The following MYO5A variants were observed in gnomAD, a reference collection of about 807,000 sequenced individuals.
MYO5A encodes the protein unconventional myosin-Va.
A neutral mutation model predicts 249.7 loss-of-function variants in MYO5A; 98 were observed. That is an observed-to-expected ratio of 0.39 (90% confidence interval 0.33 to 0.46). The LOEUF is 0.46. Ranked by LOEUF, MYO5A falls within the 20% of genes least tolerant of loss-of-function variation. MYO5A has a pLI of 0.98. For synonymous variants in MYO5A, 778 were observed against 810.6 expected (o/e 0.96, Z 0.68); for missense variants, 1,696 against 2,308.8 (o/e 0.73, Z 5.44).
intron 36 of MYO5A, among the ~76,000 whole-genome samples, chr15:52,324,903 G>A (rs527281661): frequency 6.6e-6 from 1 of 152,252 alleles, no homozygotes; most frequent in Admixed American, 6.5e-5. Context: ...TTCAGGTCCT[G>A]ACTTTACCAC....
At chr15:52,431,852 G>A (rs1323155499) in intron 2 of MYO5A, among the ~76,000 whole-genome samples, 2 of 152,008 alleles carry the variant, frequency 1.3e-5, no homozygotes, top group African/African-American at 2.4e-5. Flanking sequence ...GCCAGGCATG[G>A]TGGCTCATGC....
At chr15:52,317,532 T>G (rs1206409231) in intron 39 of MYO5A, among the ~76,000 whole-genome samples, 1 of 152,224 alleles carries the variant, frequency 6.6e-6, no homozygotes, top group Admixed American at 6.5e-5. Context: ...TAGCTCTGTC[T>G]TTATTGGGGA....
intron 1 of MYO5A, among the ~76,000 whole-genome samples, chr15:52,474,717 C>T (rs200876992): frequency 6.6e-6 from 1 of 152,188 alleles, no homozygotes; most frequent in Admixed American, 6.5e-5. Context: ...GTTGAACCAG[C>T]CTTGCATCCC....
rs2040432086 is a variant in MYO5A at position 52,359,885 on chromosome 15, G to T, written c.3423+83C>A. On this transcript the variant is annotated intron_variant, in intron 25 of 41. Transcript: ENST00000399233. ...CAAATACTATGTTTATGGCCAATTG[G>T]AGTCTGCTTTGCAATGGAAATGTTC... The T allele has an allele frequency of 2.3e-5, 21 of 919,700 alleles. No homozygotes were observed. The East Asian group carries it at 5.4e-4, about 24-fold the overall frequency. 57.0% of individuals were successfully genotyped at this position (919,700 alleles called of 1,614,324 possible). A position where few individuals can be genotyped will look rare whatever the true frequency, so the allele number is the denominator to read the frequency against.
chr15:52,361,473 G>A (rs1367058794), intron 24 of MYO5A, among the ~76,000 whole-genome samples: 1 of 152,158 alleles, frequency 6.6e-6, no homozygotes, highest in Non-Finnish European at 1.5e-5. Context: ...GCTATTTAAT[G>A]TAACTTTTGG....
At chr15:52,482,118 C>G (rs2076726950) in intron 1 of MYO5A, among the ~76,000 whole-genome samples, 1 of 152,162 alleles carries the variant, frequency 6.6e-6, no homozygotes, top group Non-Finnish European at 1.5e-5. Flanking sequence ...GGTATCTGCA[C>G]AGACACAGGC....
chr15:52,461,830 A>G (rs2141415298), intron 1 of MYO5A, among the ~76,000 whole-genome samples: 3 of 152,036 alleles, frequency 2.0e-5, no homozygotes, highest in Middle Eastern at 6.8e-3. Context: ...ACATGGTGGC[A>G]TGCGCCTGTA....
chr15:52,349,357 G>A (rs1320916389), intron 28 of MYO5A, among the ~76,000 whole-genome samples: 2 of 152,158 alleles, frequency 1.3e-5, no homozygotes, highest in Non-Finnish European at 1.5e-5. Context: ...GAAACTGAGT[G>A]AGACAAACAG....
At chr15:52,505,324 C>T in intron 1 of MYO5A, 1 of 777,390 alleles carries the variant, frequency 1.3e-6, no homozygotes, top group East Asian at 2.4e-5. Flanking sequence ...CCGCCCACTG[C>T]CTGCCGACTT....
intron 1 of MYO5A, among the ~76,000 whole-genome samples, chr15:52,489,158 C>A (rs527943928): frequency 5.1e-4 from 78 of 152,272 alleles, no homozygotes; most frequent in African/African-American, 1.8e-3. Flanking sequence ...AACTGTAAGA[C>A]TCTTAGAAGA....
chr15:52,368,623 G>T (rs189718826), intron 22 of MYO5A, among the ~76,000 whole-genome samples: 10 of 152,194 alleles, frequency 6.6e-5, no homozygotes, highest in African/African-American at 2.4e-4. Context: ...GAACTAATGG[G>T]GCCAGGCGCA....
At chr15:52,348,882 TC>T in intron 28 of MYO5A, 56 bp from the exon 29 acceptor site, 1 of 1,578,180 alleles carries the variant, frequency 6.3e-7, no homozygotes, top group Non-Finnish European at 8.6e-7. Context: ...AACCCTTAGT[TC>T]CATAAATAAA....
chr15:52,475,516 T>A (rs1358191254), intron 1 of MYO5A, among the ~76,000 whole-genome samples: 2 of 152,252 alleles, frequency 1.3e-5, no homozygotes, highest in Non-Finnish European at 2.9e-5. Context: ...GTTTCTCTTG[T>A]GGGCATTTAG....
intron 9 of MYO5A, among the ~76,000 whole-genome samples, chr15:52,403,338 G>A (rs774040753): frequency 6.6e-6 from 1 of 152,034 alleles, no homozygotes; most frequent in Non-Finnish European, 1.5e-5. Flanking sequence ...TCAACCAGTG[G>A]ATAAACAAAA....
At chr15:52,512,519 AAT>A (rs57285826) in intron 1 of MYO5A, among the ~76,000 whole-genome samples, 22,785 of 150,644 alleles carry the variant, frequency 0.15, 1,806 homozygotes, top group Middle Eastern at 0.22. Flanking sequence ...TTCGCTAAAA[AAT>A]ATATATATAT....
intron 22 of MYO5A, 73 bp from the exon 23 acceptor site, chr15:52,367,197 T>C: frequency 7.7e-7 from 1 of 1,294,084 alleles, no homozygotes; most frequent in Non-Finnish European, 1.1e-6. Context: ...ATAAAGACCA[T>C]AAGCAGTCAT....
chr15:52,520,945 T>C (rs1288300510), intron 1 of MYO5A, among the ~76,000 whole-genome samples: 3 of 152,102 alleles, frequency 2.0e-5, no homozygotes, highest in Non-Finnish European at 4.4e-5. Flanking sequence ...GAGTCTACTA[T>C]AGGGCTGGGC....
intron 1 of MYO5A, among the ~76,000 whole-genome samples, chr15:52,509,147 T>C (rs886874986): frequency 6.6e-6 from 1 of 152,166 alleles, no homozygotes; most frequent in Non-Finnish European, 1.5e-5. Context: ...AATATTTTAA[T>C]TTTTTGTAGA....
chr15:52,431,630 G>A (rs555880272), intron 2 of MYO5A, among the ~76,000 whole-genome samples: 39 of 151,706 alleles, frequency 2.6e-4, no homozygotes, highest in African/African-American at 9.2e-4. Context: ...AACAGGGCTG[G>A]GAAAGGGGAA....
Sources: allele counts gnomAD v4.1 joint callset (sites outside exome capture counted in the v4.1 genomes callset), GRCh38; gene constraint gnomAD v4.1.1; transcripts MANE v1.5; gene names NCBI Gene and HGNC (gene_info 2026-07-23, HGNC 2026-07-21).